Variants in VPS53 observed in about 807,000 individuals in gnomAD.
VPS53 encodes vacuolar protein sorting-associated protein 53 homolog.
VPS53 carries 70 observed loss-of-function variants against 107.0 expected under a neutral mutation model. The ratio of observed to expected loss-of-function variants is 0.65; its 90% CI spans 0.54 to 0.80. The LOEUF (loss-of-function observed/expected upper bound fraction) is 0.80, where lower values mean the gene tolerates loss of function less well. VPS53 is among the 30% of genes least tolerant of loss of function. The probability of loss-of-function intolerance (pLI) is 0.00; values close to 1 mark genes in which losing one functional copy is unlikely to be tolerated. For missense variants in VPS53, 917 were observed against 1,049.4 expected, an observed-to-expected ratio of 0.87 and a Z score of 1.74; for synonymous variants, 409 against 393.3, an observed-to-expected ratio of 1.04 and a Z score of -0.47.
intron 14 of VPS53, among the ~76,000 whole-genome samples, chr17:561,718 CT>C (rs1372408679): frequency 2.0e-5 from 3 of 152,226 alleles, no homozygotes; most frequent in African/African-American, 7.2e-5. Flanking sequence ...CAACCTCCGC[CT>C]CCCGGGTTCA....
intron 2 of VPS53, among the ~76,000 whole-genome samples, chr17:709,514 CTT>C (rs1280663098): frequency 6.6e-6 from 1 of 152,204 alleles, no homozygotes; most frequent in Non-Finnish European, 1.5e-5. Context: ...AAGAACTGGT[CTT>C]TGTTTCCTTA....
intron 4 of VPS53, among the ~76,000 whole-genome samples, chr17:683,790 G>C (rs1014193160): frequency 6.6e-6 from 1 of 152,202 alleles, no homozygotes; most frequent in African/African-American, 2.4e-5. Context: ...CTTGAGCCAA[G>C]GAGTTTGAGG....
intron 2 of VPS53, among the ~76,000 whole-genome samples, chr17:704,379 T>A (rs1305919285): frequency 5.9e-5 from 9 of 152,066 alleles, no homozygotes; most frequent in Non-Finnish European, 1.2e-4. Flanking sequence ...ATTCTCACCC[T>A]CCTCCTCACA....
At chr17:539,802 G>A (rs763386827) in intron 17 of VPS53, among the ~76,000 whole-genome samples, 36 of 152,156 alleles carry the variant, frequency 2.4e-4, no homozygotes, top group Non-Finnish European at 7.3e-5. Context: ...AACATACGTC[G>A]TCTCATTTAC....
chr17:646,434 T>G (rs62053764), intron 7 of VPS53, among the ~76,000 whole-genome samples: 1,020 of 5,728 alleles, frequency 0.18, 2 homozygotes, highest in Middle Eastern at 0.29. Flanking sequence ...TCCATACCAC[T>G]GACTGGAGAT....
At chr17:702,919 G>A (rs1298034290) in intron 2 of VPS53, among the ~76,000 whole-genome samples, 2 of 151,388 alleles carry the variant, frequency 1.3e-5, no homozygotes, top group African/African-American at 4.9e-5. Flanking sequence ...AACTATGGAG[G>A]CGGAGGCCGG....
chr17:692,328 C>A (rs570135364), intron 4 of VPS53, among the ~76,000 whole-genome samples: 2 of 152,014 alleles, frequency 1.3e-5, no homozygotes, highest in Non-Finnish European at 2.9e-5. Flanking sequence ...TAAACGTGGG[C>A]ATTTAATTAA....
At chr17:648,563 A>C (rs1269469570) in intron 7 of VPS53, among the ~76,000 whole-genome samples, 1 of 152,240 alleles carries the variant, frequency 6.6e-6, no homozygotes, top group Non-Finnish European at 1.5e-5. Context: ...AAAATAAACA[A>C]ATAAAATAAA....
At chr17:594,890 GT>G (rs1967877194) in intron 12 of VPS53, among the ~76,000 whole-genome samples, 1 of 70,764 alleles carries the variant, frequency 1.4e-5, no homozygotes, top group African/African-American at 4.7e-5. Flanking sequence ...GCACTCTAGT[GT>G]CCCCCTGGAG....
chr17:696,746 T>C (rs1259066448), intron 4 of VPS53, among the ~76,000 whole-genome samples: 5 of 150,672 alleles, frequency 3.3e-5, no homozygotes, highest in African/African-American at 1.2e-4. Context: ...CTTACTTCAT[T>C]CCCTCCAATG....
intron 10 of VPS53, among the ~76,000 whole-genome samples, chr17:624,336 G>C (rs142574795): frequency 2.0e-5 from 3 of 152,054 alleles, no homozygotes; most frequent in Non-Finnish European, 2.9e-5. Flanking sequence ...TTCAACTAGA[G>C]AGCAGGAGTC....
intron 4 of VPS53, among the ~76,000 whole-genome samples, chr17:681,747 G>C (rs1433863394): frequency 6.6e-6 from 1 of 152,216 alleles, no homozygotes; most frequent in African/African-American, 2.4e-5. Context: ...GAAAGTCCAA[G>C]ATGGAGGCAC....
intron 4 of VPS53, among the ~76,000 whole-genome samples, chr17:668,282 A>C (rs1400740256): frequency 6.6e-6 from 1 of 152,142 alleles, no homozygotes; most frequent in Non-Finnish European, 1.5e-5. Flanking sequence ...TGGTCACCTC[A>C]CCTACAGCAC....
Position 516,550 on chromosome 17 carries a change from G to C in VPS53, c.*2578C>G, listed in dbSNP as rs1908327844. 6.6e-6 allele frequency: 1 copy of C among 152,024 alleles called. No homozygotes were observed. The highest frequency in any genetic ancestry group is 1.9e-4 in the East Asian group (1 of 5,154). The allele number at this position is 152,024 out of a possible 1,614,324, so 9.4% of individuals were successfully genotyped here. On this transcript the variant is annotated 3_prime_UTR_variant, in exon 22 of 22. Transcript: ENST00000437048. ...CGGTAATTTTTGTATTTTTTGTAGAGATGGGGTTTCACCATATTGGCAAGG... is the reference window on the plus strand; with the variant it reads ...CGGTAATTTTTGTATTTTTTGTAGACATGGGGTTTCACCATATTGGCAAGG...
At chr17:639,374 A>C (rs573533403) in intron 7 of VPS53, among the ~76,000 whole-genome samples, 1 of 152,154 alleles carries the variant, frequency 6.6e-6, no homozygotes, top group African/African-American at 2.4e-5. Context: ...TTCCTCCTTT[A>C]GCTCAGAGAA....
chr17:646,397 G>A (rs1970711060), intron 7 of VPS53, among the ~76,000 whole-genome samples: 1 of 131,788 alleles, frequency 7.6e-6, no homozygotes, highest in Non-Finnish European at 1.7e-5. Context: ...TGTGGCCACT[G>A]CCTCCTAAGG....
intron 12 of VPS53, among the ~76,000 whole-genome samples, chr17:591,399 G>A (rs919518633): frequency 9.9e-5 from 15 of 152,072 alleles, no homozygotes; most frequent in African/African-American, 1.7e-4. Context: ...TCTGATTTTC[G>A]TTATTTCTTG....
chr17:590,540 G>C (rs1426040165), intron 12 of VPS53, among the ~76,000 whole-genome samples: 1 of 152,080 alleles, frequency 6.6e-6, no homozygotes, highest in Non-Finnish European at 1.5e-5. Flanking sequence ...TTATGATTTT[G>C]AGATACGTCC....
intron 4 of VPS53, among the ~76,000 whole-genome samples, chr17:681,905 C>G (rs911185310): frequency 3.3e-5 from 5 of 152,180 alleles, no homozygotes; most frequent in Non-Finnish European, 7.3e-5. Context: ...CCTTGTGACT[C>G]AGTCACCTCC....
Sources: gnomAD v4.1 joint callset for allele counts (sites outside exome capture counted in the v4.1 genomes callset) on GRCh38, gnomAD v4.1.1 for gene constraint, MANE v1.5 for transcripts, NCBI Gene and HGNC (gene_info 2026-07-23, HGNC 2026-07-21) for gene names.